ATP8A2: variants seen among roughly 807,000 people sequenced by gnomAD.
ATP8A2 encodes the protein ATPase phospholipid transporting 8A2, also known as phospholipid-transporting ATPase IB.
ATP8A2 carries 100 observed loss-of-function variants against 165.6 expected under a neutral mutation model. The observed-to-expected ratio is 0.60, with a 90% CI of 0.51 to 0.71. The LOEUF is 0.71. Among genes scored for constraint, ATP8A2 ranks in the 30% least tolerant of loss-of-function variants. The pLI is 0.00. For synonymous variants in ATP8A2, 543 were observed against 548.8 expected (o/e 0.99, Z 0.15); for missense variants, 1,227 against 1,479.5 (o/e 0.83, Z 2.80).
intron 2 of ATP8A2, among the ~76,000 whole-genome samples, chr13:25,509,409 T>C (rs1311780072): frequency 2.0e-5 from 3 of 152,196 alleles, no homozygotes; most frequent in Non-Finnish European, 4.4e-5. Context: ...GTTCTTTCTA[T>C]ACAAACTATT....
At chr13:25,563,010 A>T (rs2039204888) in intron 15 of ATP8A2, among the ~76,000 whole-genome samples, 1 of 152,172 alleles carries the variant, frequency 6.6e-6, no homozygotes, top group Non-Finnish European at 1.5e-5. Context: ...TCCCCCTTGC[A>T]AGCTGTTGGT....
At chr13:25,468,389 G>A (rs955464959) in intron 1 of ATP8A2, among the ~76,000 whole-genome samples, 2 of 152,164 alleles carry the variant, frequency 1.3e-5, no homozygotes, top group Admixed American at 1.3e-4. Context: ...TGGTGGGAGC[G>A]AGCTCTTCAC....
chr13:25,953,958 GTTT>G lies in ATP8A2; in HGVS notation c.3184-7608_3184-7606del, dbSNP rs56061502. Among the ~76,000 whole-genome samples, 1 of 150,360 alleles carries G rather than the reference GTTT, an allele frequency of 6.7e-6. No individual in the cohort carries two copies. Among genetic ancestry groups the G allele is most frequent in the South Asian group, 2.1e-4 (1 of 4,740 alleles). On this transcript the variant is annotated intron_variant, in intron 33 of 36. Coordinates refer to ENST00000381655, the MANE Select transcript of ATP8A2 (RefSeq NM_016529.6). The surrounding 1 kb of genome is among the most constrained non-coding windows in gnomAD (Gnocchi z 6.7). ...GGCAGACACCGAGCTAGCTGCAGGA[GTTT>G]TTTTTTTTCATACCCCAGTGGCACC...
chr13:25,497,731 C>T (rs376512293), intron 2 of ATP8A2, among the ~76,000 whole-genome samples: 2 of 151,862 alleles, frequency 1.3e-5, no homozygotes, highest in African/African-American at 2.4e-5. Flanking sequence ...CCGAGGCAGG[C>T]GGATCATGAG....
intron 35 of ATP8A2, among the ~76,000 whole-genome samples, chr13:26,005,789 G>T (rs905795494): frequency 1.3e-5 from 2 of 151,882 alleles, no homozygotes; most frequent in African/African-American, 2.4e-5. Context: ...TTATTGAATG[G>T]TCTTCACATC....
intron 16 of ATP8A2, among the ~76,000 whole-genome samples, chr13:25,568,539 A>G (rs1390844336): frequency 6.6e-6 from 1 of 152,186 alleles, no homozygotes; most frequent in Non-Finnish European, 1.5e-5. Context: ...TCCTGTTTCT[A>G]TGAGGTACAT....
At chr13:25,552,431 A>G (rs1651074734) in intron 11 of ATP8A2, among the ~76,000 whole-genome samples, 1 of 152,098 alleles carries the variant, frequency 6.6e-6, no homozygotes, top group Non-Finnish European at 1.5e-5. Context: ...TATATATTAC[A>G]TCTGTATATA....
intron 1 of ATP8A2, among the ~76,000 whole-genome samples, chr13:25,401,729 G>A (rs574270182): frequency 1.3e-5 from 2 of 152,184 alleles, no homozygotes; most frequent in East Asian, 3.9e-4. Context: ...TAAACACTAT[G>A]CTTCTTCCTG....
chr13:25,937,179 T>TAAAA (rs1472932994), intron 33 of ATP8A2, among the ~76,000 whole-genome samples: 1 of 151,998 alleles, frequency 6.6e-6, no homozygotes, highest in African/African-American at 2.4e-5. Flanking sequence ...AAAGGACACA[T>TAAAA]ACAACTGTAT....
intron 24 of ATP8A2, among the ~76,000 whole-genome samples, chr13:25,643,894 GT>G (rs1303964034): frequency 6.6e-6 from 1 of 151,366 alleles, no homozygotes; most frequent in African/African-American, 2.4e-5. Flanking sequence ...TATGAACATT[GT>G]TTTTTTCATT....
intron 33 of ATP8A2, 87 bp from the exon 34 acceptor site, chr13:25,961,488 T>A (rs1593632538): frequency 8.8e-7 from 1 of 1,134,816 alleles, no homozygotes; most frequent in East Asian, 2.4e-5. Context: ...TGTTTTTGTG[T>A]TGTGAAATAT....
chr13:25,479,022 T>C (rs1312230219), intron 2 of ATP8A2, among the ~76,000 whole-genome samples: 1 of 152,104 alleles, frequency 6.6e-6, no homozygotes, highest in African/African-American at 2.4e-5. Flanking sequence ...TAATTTTTTG[T>C]ATTTTAGTAG....
At chr13:25,521,149 T>A (rs2037659944) in intron 2 of ATP8A2, among the ~76,000 whole-genome samples, 1 of 152,234 alleles carries the variant, frequency 6.6e-6, no homozygotes, top group African/African-American at 2.4e-5. Flanking sequence ...TGGCCATTTG[T>A]ATGTCTCTTC....
At chr13:25,780,296 CAT>C (rs1308558173) in intron 27 of ATP8A2, among the ~76,000 whole-genome samples, 1 of 152,020 alleles carries the variant, frequency 6.6e-6, no homozygotes, top group Non-Finnish European at 1.5e-5. Context: ...ATAACCATAA[CAT>C]ATGTATATTG....
chr13:25,470,704 T>G (rs2137530141), intron 2 of ATP8A2, among the ~76,000 whole-genome samples: 1 of 152,262 alleles, frequency 6.6e-6, no homozygotes, highest in African/African-American at 2.4e-5. Context: ...AAAGTAGAAA[T>G]AATCTAAATG....
chr13:25,498,183 A>G (rs1418671856), intron 2 of ATP8A2, among the ~76,000 whole-genome samples: 1 of 152,174 alleles, frequency 6.6e-6, no homozygotes, highest in Non-Finnish European at 1.5e-5. Flanking sequence ...AGTGCTGGAG[A>G]GATAAACAGG....
intron 30 of ATP8A2, among the ~76,000 whole-genome samples, chr13:25,844,715 G>A (rs1379612544): frequency 1.3e-5 from 2 of 152,074 alleles, no homozygotes; most frequent in Admixed American, 6.6e-5. Flanking sequence ...CCCTCAGATG[G>A]CCACCCACAC....
intron 27 of ATP8A2, among the ~76,000 whole-genome samples, chr13:25,794,059 C>T (rs781252375): frequency 1.6e-4 from 24 of 152,134 alleles, no homozygotes; most frequent in Non-Finnish European, 3.4e-4. Flanking sequence ...GTATATTTTT[C>T]GTACTTGGTT....
chr13:25,461,036 C>A (rs992626318), intron 1 of ATP8A2, among the ~76,000 whole-genome samples: 2 of 152,190 alleles, frequency 1.3e-5, no homozygotes, highest in South Asian at 2.1e-4. Context: ...CCACACCCAA[C>A]AATATTTTAA....
Sources: gnomAD v4.1 joint callset for allele counts (sites outside exome capture counted in the v4.1 genomes callset) on GRCh38, gnomAD v4.1.1 for gene constraint, Gnocchi (gnomAD v3.1) non-coding constraint, MANE v1.5 for transcripts, NCBI Gene and HGNC (gene_info 2026-07-23, HGNC 2026-07-21) for gene names.